The following RUFY3 variants were observed in gnomAD, a reference collection of about 807,000 sequenced individuals.
RUFY3 encodes the protein RUN and FYVE domain containing 3, also known as protein RUFY3.
A neutral mutation model predicts 84.0 loss-of-function variants in RUFY3; 34 were observed. The ratio of observed to expected loss-of-function variants is 0.40; its 90% confidence interval spans 0.31 to 0.54. The LOEUF (loss-of-function observed/expected upper bound fraction) is 0.54, where lower values mean the gene tolerates loss of function less well. Among genes scored for constraint, RUFY3 ranks in the 20% least tolerant of loss-of-function variants. The probability of loss-of-function intolerance (pLI) is 0.39; values close to 1 mark genes in which losing one functional copy is unlikely to be tolerated. For synonymous variants in RUFY3, 242 were observed against 252.9 expected, an observed-to-expected ratio of 0.96 and a Z score of 0.41; for missense variants, 507 against 736.8, an observed-to-expected ratio of 0.69 and a Z score of 3.61.
At chr4:70,791,356 A>C in intron 12 of RUFY3, 1 of 1,601,774 alleles carries the variant, frequency 6.2e-7, no homozygotes, top group Non-Finnish European at 8.5e-7. Context: ...TAAAAGGAAG[A>C]AATCTGAAAG....
At chr4:70,705,093 G>A in exon 1 of RUFY3, 4 of 1,349,202 alleles carry the variant, frequency 3.0e-6, no homozygotes, top group Non-Finnish European at 3.8e-6. Flanking sequence ...CTCCCCCGCC[G>A]GGCAGTCGGA....
chr4:70,789,293 T>C (rs546896328), intron 11 of RUFY3, among the ~76,000 whole-genome samples: 3 of 152,344 alleles, frequency 2.0e-5, no homozygotes, highest in East Asian at 1.9e-4. Flanking sequence ...ATGTGATACA[T>C]TGATGAACTA....
At chr4:70,805,839 C>A (rs1403982384) in intron 17 of RUFY3, among the ~76,000 whole-genome samples, 1 of 152,192 alleles carries the variant, frequency 6.6e-6, no homozygotes, top group Non-Finnish European at 1.5e-5. Flanking sequence ...TTATTCTTTA[C>A]AGCTTTTTAT....
chr4:70,797,612 A>C (rs1236488514), intron 14 of RUFY3, among the ~76,000 whole-genome samples: 1 of 151,692 alleles, frequency 6.6e-6, no homozygotes, highest in Non-Finnish European at 1.5e-5. Flanking sequence ...TGGGAGGCCA[A>C]GGTGGGCAGA....
At chr4:70,802,648 A>G (rs1414497417) in intron 15 of RUFY3, among the ~76,000 whole-genome samples, 3 of 152,232 alleles carry the variant, frequency 2.0e-5, no homozygotes, top group African/African-American at 7.2e-5. Context: ...AGTTTTACAC[A>G]TTGGGAAACA....
chr4:70,759,317 G>T (rs1724596660), intron 1 of RUFY3, among the ~76,000 whole-genome samples: 1 of 151,756 alleles, frequency 6.6e-6, no homozygotes. Context: ...CATCCATGTT[G>T]CCATGAATCA....
intron 1 of RUFY3, among the ~76,000 whole-genome samples, chr4:70,715,563 A>AC (rs1741468428): frequency 7.4e-6 from 1 of 135,438 alleles, no homozygotes; most frequent in Non-Finnish European, 1.6e-5. Context: ...CTGCACCCTA[A>AC]CCCGGGTGAG....
At chr4:70,800,052 C>T in intron 14 of RUFY3, 89 bp from the exon 15 acceptor site, 3 of 1,244,870 alleles carry the variant, frequency 2.4e-6, no homozygotes, top group Non-Finnish European at 3.4e-6. Context: ...GCTTTATACC[C>T]AAACTAAGGC....
chr4:70,799,191 A>C (rs1159351301), intron 14 of RUFY3, among the ~76,000 whole-genome samples: 1 of 151,964 alleles, frequency 6.6e-6, no homozygotes, highest in Non-Finnish European at 1.5e-5. Context: ...GCAGTTTGAA[A>C]CTTTACATCT....
intron 1 of RUFY3, among the ~76,000 whole-genome samples, chr4:70,707,150 A>G (rs1324114376): frequency 1.3e-5 from 2 of 152,248 alleles, no homozygotes; most frequent in African/African-American, 4.8e-5. Flanking sequence ...TGTTACTCTT[A>G]TCAGTTAATA....
At chr4:70,738,641 C>T (rs565807587) in intron 1 of RUFY3, among the ~76,000 whole-genome samples, 12 of 152,036 alleles carry the variant, frequency 7.9e-5, no homozygotes, top group South Asian at 4.2e-4. Context: ...GGATTACAGG[C>T]GTGAGCCACC....
At chr4:70,730,813 C>CA (rs1382426612) in intron 1 of RUFY3, among the ~76,000 whole-genome samples, 1 of 152,166 alleles carries the variant, frequency 6.6e-6, no homozygotes, top group Non-Finnish European at 1.5e-5. Flanking sequence ...GATTCAAACT[C>CA]AGACTACCAA....
chr4:70,749,634 G>A (rs1361335406), intron 1 of RUFY3, among the ~76,000 whole-genome samples: 1 of 149,684 alleles, frequency 6.7e-6, no homozygotes, highest in Admixed American at 6.7e-5. Context: ...AGAGAAAGCA[G>A]AATTACTTTT....
intron 15 of RUFY3, among the ~76,000 whole-genome samples, chr4:70,800,739 G>T (rs552285730): frequency 2.6e-5 from 4 of 152,088 alleles, no homozygotes; most frequent in African/African-American, 9.7e-5. Flanking sequence ...AAAATTAGTC[G>T]GGTCTGGTGG....
intron 8 of RUFY3, among the ~76,000 whole-genome samples, chr4:70,778,972 T>C (rs1054662887): frequency 1.2e-4 from 19 of 152,234 alleles, no homozygotes; most frequent in Non-Finnish European, 2.5e-4. Context: ...GTTGCCAGGT[T>C]GATGGAGTAT....
intron 1 of RUFY3, among the ~76,000 whole-genome samples, chr4:70,733,129 GGAGGGAGGGAGAGA>G (rs1392693628): frequency 1.2e-5 from 1 of 84,426 alleles, no homozygotes; most frequent in African/African-American, 5.2e-5. Context: ...AGGGAGGGAG[GGAGGGAGGGAGAGA>G]GAGAGAGAGA....
chr4:70,793,972 G>A (rs1731193495), intron 13 of RUFY3, 68 bp downstream of exon 13: 19 of 1,551,332 alleles, frequency 1.2e-5, no homozygotes, highest in Non-Finnish European at 1.5e-5. Flanking sequence ...AGCAAGAAAA[G>A]GGGTCTCATG....
chr4:70,800,331 A>T (rs113412009), intron 15 of RUFY3, 126 bp downstream of exon 15: 6 of 652,686 alleles, frequency 9.2e-6, no homozygotes, highest in African/African-American at 7.5e-5. Context: ...ATATGCCAGG[A>T]AGACATTTGA....
chr4:70,771,509 A>G (rs1726950389), intron 5 of RUFY3, among the ~76,000 whole-genome samples: 1 of 152,148 alleles, frequency 6.6e-6, no homozygotes, highest in Admixed American at 6.5e-5. Flanking sequence ...CATATTTTGT[A>G]TATTATAAAT....
Sources: gnomAD v4.1 joint callset for allele counts (sites outside exome capture counted in the v4.1 genomes callset) on GRCh38, gnomAD v4.1.1 for gene constraint, MANE v1.5 for transcripts, NCBI Gene and HGNC (gene_info 2026-07-23, HGNC 2026-07-21) for gene names.